POU6F2: variants seen among roughly 807,000 people sequenced by gnomAD.
POU6F2 encodes POU domain, class 6, transcription factor 2.
Under a neutral mutation model 71.3 loss-of-function variants are expected in POU6F2, and 31 were observed. The ratio of observed to expected loss-of-function variants is 0.43; its 90% CI spans 0.33 to 0.59. The LOEUF is 0.59. POU6F2 is among the 20% of genes least tolerant of loss of function. The probability of loss-of-function intolerance (pLI) is 0.04; values close to 1 mark genes in which losing one functional copy is unlikely to be tolerated. For missense variants in POU6F2, 783 were observed against 856.8 expected (o/e 0.91, Z 1.07); for synonymous variants, 347 against 355.7 (o/e 0.98, Z 0.27).
chr7:39,169,607 A>G (rs1793176815), intron 2 of POU6F2, among the ~76,000 whole-genome samples: 1 of 152,166 alleles, frequency 6.6e-6, no homozygotes, highest in South Asian at 2.1e-4. Context: ...ACATGATCAG[A>G]CTTGAACTAA....
intron 1 of POU6F2, among the ~76,000 whole-genome samples, chr7:38,979,349 G>A (rs1000005792): frequency 6.6e-6 from 1 of 152,126 alleles, no homozygotes; most frequent in African/African-American, 2.4e-5. Flanking sequence ...TCAGGGTTCT[G>A]AAAGCACATG....
chr7:39,301,674 T>A (rs1376768488), intron 4 of POU6F2, among the ~76,000 whole-genome samples: 1 of 152,174 alleles, frequency 6.6e-6, no homozygotes, highest in African/African-American at 2.4e-5. Flanking sequence ...ATGCCCTTAT[T>A]CCAGTCACTA....
chr7:39,025,749 C>G (rs1102669), intron 1 of POU6F2, among the ~76,000 whole-genome samples: 125,929 of 148,458 alleles, frequency 0.85, 54,435 homozygotes, highest in East Asian at 0.95. Flanking sequence ...ATTGACAAAT[C>G]GGATCTAATT....
chr7:39,282,776 G>C (rs115005754), intron 4 of POU6F2, among the ~76,000 whole-genome samples: 2 of 152,098 alleles, frequency 1.3e-5, no homozygotes, highest in South Asian at 4.2e-4. Context: ...TTGTTTTGTG[G>C]TTCTATATGA....
At chr7:39,084,794 T>C (rs1382417158) in intron 1 of POU6F2, among the ~76,000 whole-genome samples, 12 of 152,168 alleles carry the variant, frequency 7.9e-5, no homozygotes, top group Admixed American at 7.9e-4. Flanking sequence ...GCTTCTGTGC[T>C]GGTCACCTGT....
At chr7:39,057,524 G>A (rs1277217239) in intron 1 of POU6F2, among the ~76,000 whole-genome samples, 1 of 151,960 alleles carries the variant, frequency 6.6e-6, no homozygotes. Flanking sequence ...AGTTATTAGT[G>A]TCAGCTTTTC....
At chr7:39,088,632 A>G in intron 2 of POU6F2, among the ~76,000 whole-genome samples, 1 of 152,156 alleles carries the variant, frequency 6.6e-6, no homozygotes, top group Non-Finnish European at 1.5e-5. Flanking sequence ...TATACACCGT[A>G]TTATTGAAAA....
At chr7:39,200,652 A>G (rs1221253398) in intron 2 of POU6F2, among the ~76,000 whole-genome samples, 1 of 152,176 alleles carries the variant, frequency 6.6e-6, no homozygotes, top group African/African-American at 2.4e-5. Flanking sequence ...GGGCAGGAAT[A>G]TGAATTGAGT....
chr7:39,085,961 C>T lies in POU6F2; in HGVS notation c.207C>T (p.Ser69=). The T allele has an allele frequency of 1.2e-6, 2 of 1,613,706 alleles. No individual in the cohort carries two copies. The highest frequency in any genetic ancestry group is 1.7e-4 in the Middle Eastern group (1 of 6,060). ...RGEDKAATSD[S]ELNEPLLAPV... ...AGGACAAGGCTGCTACTTCAGACAGCGAGCTGAATGAGCCCCTGCTTGCGC... is the reference window on the plus strand; with the variant it reads ...AGGACAAGGCTGCTACTTCAGACAGTGAGCTGAATGAGCCCCTGCTTGCGC... Residue 69 remains serine, a synonymous_variant, in exon 2 of 10, where the codon AGC becomes AGT. Coordinates refer to ENST00000518318, the MANE Select transcript of POU6F2 (RefSeq NM_001370959.1).
chr7:39,304,754 A>G (rs1480722233), intron 4 of POU6F2, among the ~76,000 whole-genome samples: 2 of 152,206 alleles, frequency 1.3e-5, no homozygotes, highest in African/African-American at 2.4e-5. Flanking sequence ...ATTTTTTGGT[A>G]TCTTGCAGAA....
At chr7:39,189,275 G>A (rs1263505452) in intron 2 of POU6F2, among the ~76,000 whole-genome samples, 1 of 152,188 alleles carries the variant, frequency 6.6e-6, no homozygotes, top group Non-Finnish European at 1.5e-5. Flanking sequence ...AACCAACATT[G>A]TCCAAACCAC....
At chr7:38,984,619 C>G (rs1788415739) in intron 1 of POU6F2, among the ~76,000 whole-genome samples, 1 of 152,146 alleles carries the variant, frequency 6.6e-6, no homozygotes, top group African/African-American at 2.4e-5. Flanking sequence ...AAAGGCCTCA[C>G]AGTGCTTGTG....
intron 2 of POU6F2, among the ~76,000 whole-genome samples, chr7:39,191,836 A>G (rs1487313620): frequency 6.6e-6 from 1 of 152,242 alleles, no homozygotes; most frequent in African/African-American, 2.4e-5. Context: ...AGTAATGTGA[A>G]GAAATAGACT....
rs975313266 is a variant in POU6F2 at position 39,235,428 on chromosome 7, C to T, written c.598+27808C>T. On this transcript the variant is annotated intron_variant, in intron 4 of 9. Transcript: ENST00000518318. Reference sequence around the variant, plus strand: ...CATTTCGCTTGTTTAAGGTCACACACCTGGTAATTGGTGGTGCTGAGATGA... The same window carrying T: ...CATTTCGCTTGTTTAAGGTCACACATCTGGTAATTGGTGGTGCTGAGATGA... 2.6e-5 allele frequency among the ~76,000 whole-genome samples: 4 copies of T among 152,156 alleles called. No homozygotes were observed. The South Asian group carries it at 8.3e-4, about 32-fold the overall frequency.
intron 1 of POU6F2, among the ~76,000 whole-genome samples, chr7:39,039,103 T>A (rs1790125201): frequency 6.6e-6 from 1 of 152,072 alleles, no homozygotes; most frequent in South Asian, 2.1e-4. Context: ...CAAGTCCAGA[T>A]TAGGGCCTCT....
chr7:39,102,776 C>T (rs560810963), intron 2 of POU6F2, among the ~76,000 whole-genome samples: 2 of 152,212 alleles, frequency 1.3e-5, no homozygotes, highest in African/African-American at 2.4e-5. Context: ...AGTGTACTTA[C>T]GTAAATCTAG....
chr7:39,468,542 C>G lies in POU6F2; in HGVS notation c.*3856C>G, dbSNP rs1419434041. ...AAGCTGCACTTTGTGTATTTCTTAA[C>G]AGCTTCAGATCTGTCACTTTTAATT... is the stretch of plus-strand genomic sequence containing the variant. On this transcript the variant is annotated 3_prime_UTR_variant, in exon 10 of 10. Transcript: ENST00000518318. 6.6e-6 allele frequency: 1 copy of G among 151,530 alleles called. No individual in the cohort carries two copies. The highest frequency in any genetic ancestry group is 1.5e-5 in the Non-Finnish European group (1 of 67,940). The allele number at this position is 151,530 out of a possible 1,614,324, so 9.4% of individuals were successfully genotyped here.
At chr7:39,044,184 A>T (rs1318305921) in intron 1 of POU6F2, among the ~76,000 whole-genome samples, 1 of 151,968 alleles carries the variant, frequency 6.6e-6, no homozygotes, top group East Asian at 1.9e-4. Flanking sequence ...GCTGTGACCC[A>T]TTAGAAAATT....
intron 4 of POU6F2, among the ~76,000 whole-genome samples, chr7:39,313,661 C>T (rs754679233): frequency 4.6e-5 from 7 of 152,054 alleles, no homozygotes; most frequent in Non-Finnish European, 7.4e-5. Context: ...AGCAGTTAAA[C>T]GGAGGGGTCT....
Sources: gnomAD v4.1 joint callset for allele counts (sites outside exome capture counted in the v4.1 genomes callset) on GRCh38, gnomAD v4.1.1 for gene constraint, MANE v1.5 for transcripts, NCBI Gene and HGNC (gene_info 2026-07-23, HGNC 2026-07-21) for gene names.